The following CCDC93 variants were observed in gnomAD, a reference collection of about 807,000 sequenced individuals.
CCDC93 encodes CCC complex scaffolding subunit CCDC93, also known as coiled-coil domain-containing protein 93.
CCDC93 carries 61 observed loss-of-function variants against 108.2 expected under a neutral mutation model. The ratio of observed to expected loss-of-function variants is 0.56; its 90% CI spans 0.46 to 0.70. The LOEUF (loss-of-function observed/expected upper bound fraction) is 0.70, where lower values mean the gene tolerates loss of function less well. Ranked by LOEUF, CCDC93 falls within the 30% of genes least tolerant of loss-of-function variation. The pLI, the probability that CCDC93 is intolerant of heterozygous loss-of-function variation, is 0.00. For missense variants in CCDC93, 685 were observed against 764.2 expected (o/e 0.90, Z 1.22); for synonymous variants, 276 against 260.4 (o/e 1.06, Z -0.58).
At chr2:117,949,426 G>A (rs1209454256) in intron 13 of CCDC93, 31 bp from the exon 14 acceptor site, 8 of 1,525,168 alleles carry the variant, frequency 5.2e-6, no homozygotes, top group Non-Finnish European at 7.3e-6. Context: ...ATGGTTGCTG[G>A]AGCCTTGGTA....
chr2:117,999,873 GT>G (rs934509190), intron 4 of CCDC93: 4 of 151,232 alleles, frequency 2.6e-5, no homozygotes, highest in Non-Finnish European at 4.4e-5. Flanking sequence ...TTTTTATTGT[GT>G]TTCCCCCCAC....
At position 117,919,782 on chromosome 2, in the gene CCDC93, A is replaced by T. The variant is rs1389580022; in HGVS notation, c.*561T>A. 6.6e-6 allele frequency: 1 copy of T among 152,204 alleles called. No homozygotes were observed. Among genetic ancestry groups the T allele is most frequent in the Non-Finnish European group, 1.5e-5 (1 of 68,038 alleles). 9.4% of individuals were successfully genotyped at this position (152,204 alleles called of 1,614,324 possible). ...GAACAAAAGGTACCATGGCAGGTGA[A>T]AGGCCCAAGTGACCAACACTACATG... On this transcript the variant is annotated 3_prime_UTR_variant, in exon 24 of 24. Coordinates refer to ENST00000376300, the MANE Select transcript of CCDC93 (RefSeq NM_019044.5).
In CCDC93 at chr2:118,006,819, G is replaced by A. The variant is rs1676883817; in HGVS notation, c.157-3C>T. On this transcript the variant is annotated splice_polypyrimidine_tract_variant and splice_region_variant and intron_variant, in intron 2 of 23. Coordinates refer to ENST00000376300, the MANE Select transcript of CCDC93 (RefSeq NM_019044.5). The stretch of plus-strand genomic sequence containing the variant: ...CACCAAGTCATTCCTCCTACTACCT[G>A]CAAGACATAAAGAAAATATTTGTTT... 1.3e-6 allele frequency: 2 copies of A among 1,567,798 alleles called. No homozygotes were observed. Among genetic ancestry groups the A allele is most frequent in the Non-Finnish European group, 1.8e-6 (2 of 1,138,790 alleles).
At chr2:117,936,822 C>A (rs982839569) in intron 20 of CCDC93, 83 bp from the exon 21 acceptor site, 3 of 991,304 alleles carry the variant, frequency 3.0e-6, no homozygotes, top group Non-Finnish European at 4.9e-6. Flanking sequence ...GCTTGCCTGT[C>A]TCCACATACT....
intron 1 of CCDC93, 89 bp downstream of exon 1, chr2:118,013,865 G>A: frequency 1.7e-6 from 2 of 1,193,864 alleles, no homozygotes; most frequent in South Asian, 3.1e-5. Flanking sequence ...CGCCCCTAAC[G>A]CACCCAGGGC....
At chr2:117,939,750 T>C (rs1678640722) in intron 19 of CCDC93, among the ~76,000 whole-genome samples, 1 of 152,166 alleles carries the variant, frequency 6.6e-6, no homozygotes, top group Non-Finnish European at 1.5e-5. Flanking sequence ...TCTCCTCCAA[T>C]AGAGCCAGTG....
intron 19 of CCDC93, 25 bp downstream of exon 19, chr2:117,941,164 G>T: frequency 6.5e-7 from 1 of 1,527,698 alleles, no homozygotes; most frequent in Non-Finnish European, 9.1e-7. Context: ...AGCCTCAAGA[G>T]CTTGTCTGTG....
intron 18 of CCDC93, among the ~76,000 whole-genome samples, chr2:117,942,639 T>C (rs13034191): frequency 0.97 from 148,122 of 152,306 alleles, 72,164 homozygotes; most frequent in Middle Eastern, 1. Context: ...GCTGCTCAGG[T>C]GCATCTTCAC....
chr2:118,008,535 T>C lies in CCDC93; in HGVS notation c.156+10A>G, dbSNP rs372737067. 8.6e-5 allele frequency: 126 copies of C among 1,471,970 alleles called. No homozygotes were observed. Among genetic ancestry groups the C allele is most frequent in the Non-Finnish European group, 4.3e-5 (45 of 1,056,572 alleles). The allele number at this position is 1,471,970 out of a possible 1,614,324, so 91.2% of individuals were successfully genotyped here. ...AAGATAGTGTAATGGTTAGAAAGATTTCCCCTTACCTTGTCAAAGGGTGAT... is the reference window on the plus strand; with the variant it reads ...AAGATAGTGTAATGGTTAGAAAGATCTCCCCTTACCTTGTCAAAGGGTGAT... On this transcript the variant is annotated intron_variant, in intron 2 of 23. Transcript: ENST00000376300.
chr2:117,999,221 T>G (rs1680759055), intron 4 of CCDC93: 1 of 152,214 alleles, frequency 6.6e-6, no homozygotes, highest in African/African-American at 2.4e-5. Flanking sequence ...CTTGACCCTA[T>G]ATTTCAAAAT....
chr2:117,918,232 T>C lies in CCDC93; in HGVS notation c.*2111A>G, dbSNP rs1021006847. 2 of 152,134 alleles carry C rather than the reference T, an allele frequency of 1.3e-5. No homozygotes were observed. Among genetic ancestry groups the C allele is most frequent in the Non-Finnish European group, 2.9e-5 (2 of 68,034 alleles). The allele number at this position is 152,134 out of a possible 1,614,324, so 9.4% of individuals were successfully genotyped here. On this transcript the variant is annotated 3_prime_UTR_variant, in exon 24 of 24. Coordinates refer to ENST00000376300, the MANE Select transcript of CCDC93 (RefSeq NM_019044.5). The stretch of plus-strand genomic sequence containing the variant: ...GAGTTGTCTGCAGCAAGTGTGAAAT[T>C]TGAGCTCAAACTGGCTTCTGTAGTC...
rs189484411 is a variant in CCDC93, at chr2:117,915,682, A to G, written c.*4661T>C. On this transcript the variant is annotated 3_prime_UTR_variant, in exon 24 of 24. Transcript: ENST00000376300. ...ATTCCCACCCCTCTTCCCAGAGGCA[A>G]TTCAGGCTGCCGGGCTGCTAGATAT... is the stretch of plus-strand genomic sequence containing the variant. The G allele has an allele frequency of 1.3e-5, 2 of 152,330 alleles. No individual in the cohort carries two copies. Among genetic ancestry groups the G allele is most frequent in the African/African-American group, 2.4e-5 (1 of 41,572 alleles). The allele number at this position is 152,330 out of a possible 1,614,324, so 9.4% of individuals were successfully genotyped here. A position where few individuals can be genotyped will look rare whatever the true frequency, so the allele number is the denominator to read the frequency against.
intron 1 of CCDC93, among the ~76,000 whole-genome samples, chr2:118,011,035 G>C (rs758335064): frequency 6.6e-6 from 1 of 152,162 alleles, no homozygotes; most frequent in Non-Finnish European, 1.5e-5. Context: ...ATTGATTAAC[G>C]AGAGGACTAT....
At chr2:117,979,532 C>T (rs1392470433) in intron 7 of CCDC93, among the ~76,000 whole-genome samples, 1 of 152,182 alleles carries the variant, frequency 6.6e-6, no homozygotes, top group African/African-American at 2.4e-5. Flanking sequence ...AAAGATTCTA[C>T]CTTTATATCT....
intron 11 of CCDC93, among the ~76,000 whole-genome samples, chr2:117,964,755 T>C (rs534884645): frequency 1.3e-5 from 2 of 152,244 alleles, no homozygotes; most frequent in South Asian, 2.1e-4. Flanking sequence ...CATGTCACTA[T>C]ACCCAAGTAA....
chr2:117,940,206 A>C (rs1678653449), intron 19 of CCDC93, among the ~76,000 whole-genome samples: 1 of 152,148 alleles, frequency 6.6e-6, no homozygotes, highest in Non-Finnish European at 1.5e-5. Context: ...GGCCGAATTC[A>C]ATTTTGTACC....
Position 117,933,811 on chromosome 2 carries a change from C to G in CCDC93, c.1728+1684G>C, listed in dbSNP as rs550669627. 3.9e-5 allele frequency among the ~76,000 whole-genome samples: 6 copies of G among 152,188 alleles called. No individual in the cohort carries two copies. In the South Asian group the frequency reaches 1.2e-3, roughly 32 times the overall value. ...CAACATTCAAAGCGTATCTGGAGCCCTCTCTGAGAACTGCTCTTTGACTCT... is the reference window on the plus strand; with the variant it reads ...CAACATTCAAAGCGTATCTGGAGCCGTCTCTGAGAACTGCTCTTTGACTCT... On this transcript the variant is annotated intron_variant, in intron 22 of 23. Coordinates refer to ENST00000376300, the MANE Select transcript of CCDC93 (RefSeq NM_019044.5).
At chr2:117,993,369 C>G (rs967215599) in intron 6 of CCDC93, among the ~76,000 whole-genome samples, 4 of 143,870 alleles carry the variant, frequency 2.8e-5, no homozygotes, top group African/African-American at 1.0e-4. Context: ...GCACTTCAGC[C>G]TGGGAGACAG....
Position 117,966,127 on chromosome 2 carries a change from G to T in CCDC93, c.889-7646C>A, listed in dbSNP as rs528786381. ...CTAGTGGAAACGAAGGCCTTATGGG[G>T]GTGCTAGCCACCATGTGTGCCCCAT... On this transcript the variant is annotated intron_variant, in intron 11 of 23. Transcript: ENST00000376300. Among the ~76,000 whole-genome samples the T allele has an allele frequency of 5.9e-5, 9 of 152,292 alleles. No individual in the cohort carries two copies. The East Asian group carries it at 1.7e-3, about 29-fold the overall frequency.
Sources: allele counts gnomAD v4.1 joint callset (sites outside exome capture counted in the v4.1 genomes callset), GRCh38; gene constraint gnomAD v4.1.1; transcripts MANE v1.5; gene names NCBI Gene and HGNC (gene_info 2026-07-23, HGNC 2026-07-21).